The following GRB14 variants were observed in gnomAD, a reference collection of about 807,000 sequenced individuals.
The protein encoded by GRB14 is growth factor receptor-bound protein 14.
In GRB14, 38 loss-of-function variants were observed where a neutral mutation model predicts 69.1. That is an observed-to-expected ratio of 0.55 (90% CI 0.42 to 0.72). The LOEUF is 0.72. Ranked by LOEUF, GRB14 falls within the 30% of genes least tolerant of loss-of-function variation. GRB14 has a pLI of 0.00. For synonymous variants in GRB14, 247 were observed against 241.3 expected (o/e 1.02, Z -0.22); for missense variants, 666 against 666.1 (o/e 1.00, Z 0.00).
chr2:164,597,732 A>G (rs1396482557), intron 2 of GRB14, among the ~76,000 whole-genome samples: 1 of 151,988 alleles, frequency 6.6e-6, no homozygotes, highest in Non-Finnish European at 1.5e-5. Flanking sequence ...AGAGAGGAAG[A>G]AGGAGGAGGA....
chr2:164,569,024 C>G (rs1253964488), intron 2 of GRB14, among the ~76,000 whole-genome samples: 3 of 152,162 alleles, frequency 2.0e-5, no homozygotes, highest in Non-Finnish European at 4.4e-5. Context: ...ATATCACACA[C>G]TGTTAAATAT....
intron 2 of GRB14, among the ~76,000 whole-genome samples, chr2:164,558,808 G>A (rs997588595): frequency 4.6e-5 from 7 of 152,232 alleles, no homozygotes; most frequent in African/African-American, 1.7e-4. Flanking sequence ...CAAGTAGTAG[G>A]GCAGAGGTGG....
chr2:164,523,908 G>T (rs77588144), intron 5 of GRB14, among the ~76,000 whole-genome samples: 2,964 of 152,114 alleles, frequency 0.019, 77 homozygotes, highest in African/African-American at 0.068. Context: ...CCACTGTGTT[G>T]TAATACAGTG....
chr2:164,494,801 T>A (rs1266528968), intron 12 of GRB14, among the ~76,000 whole-genome samples: 2 of 152,204 alleles, frequency 1.3e-5, no homozygotes, highest in Non-Finnish European at 2.9e-5. Flanking sequence ...CACTGTTATG[T>A]CTGCATCAAC....
intron 2 of GRB14, among the ~76,000 whole-genome samples, chr2:164,603,211 C>T (rs991815167): frequency 3.3e-5 from 5 of 151,396 alleles, no homozygotes; most frequent in African/African-American, 7.3e-5. Flanking sequence ...GAACTTAATA[C>T]ATGATGAAAA....
intron 2 of GRB14, among the ~76,000 whole-genome samples, chr2:164,612,930 G>A (rs1043704171): frequency 2.6e-5 from 4 of 152,160 alleles, no homozygotes; most frequent in Non-Finnish European, 5.9e-5. Flanking sequence ...GATCTGCTAG[G>A]GGATTTAAGT....
Position 164,493,125 on chromosome 2 carries a change from C to T in GRB14, c.1534G>A (p.Asp512Asn), listed in dbSNP as rs755149846. The T allele has an allele frequency of 5.6e-6, 9 of 1,613,560 alleles. No individual in the cohort carries two copies. The highest frequency in any genetic ancestry group is 1.1e-5 in the South Asian group (1 of 91,050). ...TAGAACTCCACCAGCTGTATTAGATCTGTAAATCTTGTGTGGCCATCATCC... is the reference window on the plus strand; with the variant it reads ...TAGAACTCCACCAGCTGTATTAGATTTGTAAATCTTGTGTGGCCATCATCC... ...TLDDGHTRFTDLIQLVEFYQL... is the reference protein window; with the variant it reads ...TLDDGHTRFTNLIQLVEFYQL... Residue 512 changes from aspartate (D) to asparagine (N), a missense_variant, in exon 14 of 14, where the codon GAT (aspartate) becomes AAT (asparagine). By Grantham distance (23) the Asp-to-Asn change is conservative. Transcript: ENST00000263915.
At chr2:164,576,603 A>C (rs1161141627) in intron 2 of GRB14, among the ~76,000 whole-genome samples, 1 of 151,890 alleles carries the variant, frequency 6.6e-6, no homozygotes, top group Non-Finnish European at 1.5e-5. Context: ...GAAAATTGAA[A>C]GTGTAAAATG....
chr2:164,558,424 GAC>G lies in GRB14; in HGVS notation c.325-10610_325-10609del, dbSNP rs200001595. ...AAAATATCCTAAGTTATCACATACA[GAC>G]ACACACACACAGACACACATGTTAA... On this transcript the variant is annotated intron_variant, in intron 2 of 13. Transcript: ENST00000263915. Among the ~76,000 whole-genome samples, 948 of 151,954 alleles carry G rather than the reference GAC, an allele frequency of 6.2e-3. 8 individuals carry two copies. Among genetic ancestry groups the G allele is most frequent in the African/African-American group, 0.022 (906 of 41,454 alleles).
At position 164,577,153 on chromosome 2, in the gene GRB14, C is replaced by T. The variant is rs114094114; in HGVS notation, c.325-29337G>A. ...CTAAAAATTGTGGCCAAATCCTAGA[C>T]GGTTTGATTTACAAAAAAATTCTAT... is the stretch of plus-strand genomic sequence containing the variant. On this transcript the variant is annotated intron_variant, in intron 2 of 13. Coordinates refer to ENST00000263915, the MANE Select transcript of GRB14 (RefSeq NM_004490.3). Among the ~76,000 whole-genome samples the T allele has an allele frequency of 6.4e-3, 975 of 152,264 alleles. 10 individuals carry two copies. Among genetic ancestry groups the T allele is most frequent in the Non-Finnish European group, 0.011 (759 of 68,014 alleles).
chr2:164,615,994 T>C (rs1423768627), intron 2 of GRB14, among the ~76,000 whole-genome samples: 1 of 152,222 alleles, frequency 6.6e-6, no homozygotes, highest in Non-Finnish European at 1.5e-5. Context: ...ATAATGGAAG[T>C]CACTTTTAAT....
chr2:164,568,612 A>G (rs1689045061), intron 2 of GRB14: 1 of 231,084 alleles, frequency 4.3e-6, no homozygotes, highest in African/African-American at 2.3e-5. Context: ...GTCCTTGGAA[A>G]CACATTCTGA....
chr2:164,538,212 C>A (rs1448719881), intron 3 of GRB14, among the ~76,000 whole-genome samples: 1 of 152,174 alleles, frequency 6.6e-6, no homozygotes, highest in African/African-American at 2.4e-5. Flanking sequence ...CTGTCCCTAG[C>A]AATGATACTA....
At chr2:164,557,340 GCCA>G (rs978618160) in intron 2 of GRB14, among the ~76,000 whole-genome samples, 7 of 152,126 alleles carry the variant, frequency 4.6e-5, no homozygotes, top group Admixed American at 3.9e-4. Context: ...CTAGCCAGGG[GCCA>G]CCACAATAGG....
intron 2 of GRB14, among the ~76,000 whole-genome samples, chr2:164,557,493 C>T (rs184358741): frequency 6.6e-6 from 1 of 152,308 alleles, no homozygotes; most frequent in East Asian, 1.9e-4. Flanking sequence ...GTAAGAGAAT[C>T]AGGATAAATA....
intron 2 of GRB14, among the ~76,000 whole-genome samples, chr2:164,562,407 TA>T (rs1468018944): frequency 1.3e-5 from 2 of 152,170 alleles, no homozygotes; most frequent in African/African-American, 4.8e-5. Flanking sequence ...AGAGACCTTC[TA>T]AAGTTACAGA....
At chr2:164,570,838 A>G (rs530312050) in intron 2 of GRB14, among the ~76,000 whole-genome samples, 1 of 152,354 alleles carries the variant, frequency 6.6e-6, no homozygotes, top group Admixed American at 6.5e-5. Flanking sequence ...CAATATATAC[A>G]TGCCCTAAAA....
intron 2 of GRB14, among the ~76,000 whole-genome samples, chr2:164,563,945 C>T (rs143879743): frequency 7.2e-5 from 11 of 152,076 alleles, no homozygotes; most frequent in East Asian, 1.9e-4. Context: ...CACCTATGGA[C>T]GGCAATATGA....
chr2:164,529,668 C>T (rs1023042417), intron 3 of GRB14, among the ~76,000 whole-genome samples: 6 of 152,160 alleles, frequency 3.9e-5, no homozygotes, highest in Non-Finnish European at 8.8e-5. Context: ...CACCAGGTCC[C>T]ACTGTCACCA....
Sources: gnomAD v4.1 joint callset for allele counts (sites outside exome capture counted in the v4.1 genomes callset) on GRCh38, gnomAD v4.1.1 for gene constraint, MANE v1.5 for transcripts, NCBI Gene and HGNC (gene_info 2026-07-23, HGNC 2026-07-21) for gene names.